The following CCND3 variants were observed in gnomAD, a reference collection of about 807,000 sequenced individuals.
CCND3 encodes the protein G1/S-specific cyclin-D3.
Under a neutral mutation model 28.7 loss-of-function variants are expected in CCND3, and 9 were observed. The ratio of observed to expected loss-of-function variants is 0.31; its 90% CI spans 0.19 to 0.55. The LOEUF is 0.55. Among genes scored for constraint, CCND3 ranks in the 20% least tolerant of loss-of-function variants. The pLI, the probability that CCND3 is intolerant of heterozygous loss-of-function variation, is 0.93. For missense variants in CCND3, 315 were observed against 385.8 expected, an observed-to-expected ratio of 0.82 and a Z score of 1.54; for synonymous variants, 164 against 163.9, an observed-to-expected ratio of 1.00 and a Z score of 0.00.
At chr6:41,945,305 G>A (rs138287578), upstream of CCND3, among the ~76,000 whole-genome samples, 1,613 of 152,322 alleles carry the variant, frequency 0.011, 15 homozygotes, top group Non-Finnish European at 0.016. Flanking sequence ...CCTGAAGTCA[G>A]GAGTTCGAGA....
intron 1 of CCND3, among the ~76,000 whole-genome samples, chr6:42,019,770 T>G (rs963509953): frequency 6.6e-6 from 1 of 152,104 alleles, no homozygotes; most frequent in African/African-American, 2.4e-5. Flanking sequence ...ATAAGGAAGT[T>G]TGTTTTATAT....
intron 1 of CCND3, among the ~76,000 whole-genome samples, chr6:41,987,511 C>CCG (rs1762521448): frequency 2.3e-5 from 1 of 43,510 alleles, no homozygotes; most frequent in Non-Finnish European, 3.7e-5. Context: ...CTCTCTCTCT[C>CCG]TCTCTCTGTG....
chr6:41,980,036 A>ACACACACACACACACACAC (rs1554162936), intron 1 of CCND3, among the ~76,000 whole-genome samples: 32 of 151,336 alleles, frequency 2.1e-4, no homozygotes, highest in Non-Finnish European at 3.4e-4. Context: ...ACACACACAC[A>ACACACACACACACACACAC]ATCAAACCTT....
At chr6:42,009,216 C>A (rs1220547664) in intron 1 of CCND3, among the ~76,000 whole-genome samples, 1 of 152,182 alleles carries the variant, frequency 6.6e-6, no homozygotes, top group Non-Finnish European at 1.5e-5. Context: ...TGGCTCATGC[C>A]TATAACCCCA....
chr6:41,969,718 G>A (rs932231918), intron 1 of CCND3, among the ~76,000 whole-genome samples: 9 of 152,098 alleles, frequency 5.9e-5, no homozygotes, highest in Non-Finnish European at 8.8e-5. Flanking sequence ...CCTAGTGACC[G>A]AGTGAGACTC....
Position 41,941,518 on chromosome 6 carries a change from G to A in CCND3, c.132C>T (p.Tyr44=), listed in dbSNP as rs889483163. Residue 44 remains tyrosine, a synonymous_variant, in exon 1 of 5, where the codon TAC becomes TAT. Coordinates refer to ENST00000372991, the MANE Select transcript of CCND3 (RefSeq NM_001760.5). This position sits in a 1 kb window ranked among gnomAD's most constrained non-coding sequence, Gnocchi z 6.1. ...TGATCTCCCGCTGCACGCACTGGAA[G>A]TAGGAGGCGCGGGGTACGTAGCGCT... ...LEERYVPRAS[Y]FQCVQREIKP... 2 of 1,607,094 alleles carry A rather than the reference G, an allele frequency of 1.2e-6. No homozygotes were observed. Among genetic ancestry groups the A allele is most frequent in the Non-Finnish European group, 8.5e-7 (1 of 1,178,420 alleles).
intron 1 of CCND3, among the ~76,000 whole-genome samples, chr6:41,981,269 G>A (rs748794322): frequency 1.1e-4 from 17 of 151,860 alleles, no homozygotes; most frequent in South Asian, 2.1e-4. Flanking sequence ...GCATCGGTGC[G>A]ATCTCTGCTC....
intron 1 of CCND3, among the ~76,000 whole-genome samples, chr6:42,020,004 A>C (rs1229872191): frequency 6.6e-6 from 1 of 152,078 alleles, no homozygotes; most frequent in Non-Finnish European, 1.5e-5. Flanking sequence ...CCTTGCCGGG[A>C]GCGGTGGCTC....
At chr6:42,044,871 C>G (rs1764488748) in intron 1 of CCND3, among the ~76,000 whole-genome samples, 1 of 151,706 alleles carries the variant, frequency 6.6e-6, no homozygotes. Flanking sequence ...TCACTGCAAC[C>G]TCCGCCTCCC....
At chr6:42,022,680 G>A (rs1258196882) in intron 1 of CCND3, among the ~76,000 whole-genome samples, 2 of 152,252 alleles carry the variant, frequency 1.3e-5, no homozygotes, top group African/African-American at 2.4e-5. Context: ...GGTGGCCTCT[G>A]CTTGTGTGTC....
intron 1 of CCND3, among the ~76,000 whole-genome samples, chr6:42,010,136 A>C (rs993199876): frequency 6.6e-6 from 1 of 152,136 alleles, no homozygotes; most frequent in African/African-American, 2.4e-5. Flanking sequence ...TATCAACTTC[A>C]TAAGTGGTTT....
chr6:41,991,517 G>GTTTCA (rs1333748920), intron 1 of CCND3, among the ~76,000 whole-genome samples: 1 of 152,134 alleles, frequency 6.6e-6, no homozygotes, highest in African/African-American at 2.4e-5. Flanking sequence ...ACATAGTGAT[G>GTTTCA]TTTCAATACA....
chr6:41,973,651 T>G (rs1205013865), intron 1 of CCND3, among the ~76,000 whole-genome samples: 1 of 152,210 alleles, frequency 6.6e-6, no homozygotes, highest in African/African-American at 2.4e-5. Context: ...TTGACAAGTC[T>G]TGCTCTGCCT....
At chr6:41,997,011 C>A (rs1762829441) in intron 1 of CCND3, among the ~76,000 whole-genome samples, 1 of 152,184 alleles carries the variant, frequency 6.6e-6, no homozygotes, top group South Asian at 2.1e-4. Flanking sequence ...AGCAACTAGG[C>A]CTGCACCTAG....
At chr6:41,983,189 C>A (rs1295761448) in intron 1 of CCND3, among the ~76,000 whole-genome samples, 1 of 151,966 alleles carries the variant, frequency 6.6e-6, no homozygotes, top group South Asian at 2.1e-4. Context: ...ACCAGCCTGG[C>A]CAACATGGCG....
intron 1 of CCND3, among the ~76,000 whole-genome samples, chr6:41,986,169 T>C (rs1244878892): frequency 6.6e-6 from 1 of 152,098 alleles, no homozygotes; most frequent in Non-Finnish European, 1.5e-5. Flanking sequence ...CATGCTATTT[T>C]GATTGCTATA....
Position 42,048,695 on chromosome 6 carries a change from TCCGCG to T in CCND3, c.-245_-241del, listed in dbSNP as rs748731219. On this transcript the variant is annotated 5_prime_UTR_variant, in exon 1 of 5. Coordinates refer to the CCND3 transcript ENST00000372988. The surrounding 1 kb of genome is among the most constrained non-coding windows in gnomAD (Gnocchi z 4.7). ...CTGCAGTGGCGAAGTGTTTACAAAG[TCCGCG>T]CCGCGCCGCCGATCCAGAGCTGGGC... 5 of 516,546 alleles carry T rather than the reference TCCGCG, an allele frequency of 9.7e-6. No individual in the cohort carries two copies. Among genetic ancestry groups the T allele is most frequent in the Non-Finnish European group, 1.9e-5 (5 of 258,970 alleles). The allele number at this position is 516,546 out of a possible 1,614,324, so 32.0% of individuals were successfully genotyped here. A position where few individuals can be genotyped will look rare whatever the true frequency, so the allele number is the denominator to read the frequency against.
rs1775773145 is a variant in CCND3 at position 41,935,946 on chromosome 6, G to GTGTA, written c.869_872dup (p.Leu292ThrfsTer33). 2 of 1,610,210 alleles carry GTGTA rather than the reference G, an allele frequency of 1.2e-6. No homozygotes were observed. The highest frequency in any genetic ancestry group is 8.5e-7 in the Non-Finnish European group (1 of 1,178,550). On this transcript the variant is annotated frameshift_variant, in exon 5 of 5. Transcript: ENST00000372991. LOFTEE classifies it high-confidence loss of function. ...CCAGAGGGCCTCTCCAGGGCTACAGGTGTATGGCTGTGACATCTGTAGGAG... is the reference window on the plus strand; with the variant it reads ...CCAGAGGGCCTCTCCAGGGCTACAGGTGTATGTATGGCTGTGACATCTGTAGGAG...
intron 1 of CCND3, among the ~76,000 whole-genome samples, chr6:42,014,103 T>C (rs59332765): frequency 0.011 from 1,567 of 146,878 alleles, 35 homozygotes; most frequent in African/African-American, 0.037. Context: ...CAGTGGCTCA[T>C]GCCTGTAATC....
Sources: gnomAD v4.1 joint callset for allele counts (sites outside exome capture counted in the v4.1 genomes callset) on GRCh38, gnomAD v4.1.1 for gene constraint, Gnocchi (gnomAD v3.1) non-coding constraint, MANE v1.5 for transcripts, NCBI Gene and HGNC (gene_info 2026-07-23, HGNC 2026-07-21) for gene names.